Variants in SMAD6 observed in about 807,000 individuals in gnomAD.
SMAD6 encodes MAD homolog 6.
In SMAD6, 103 loss-of-function variants were observed where a neutral mutation model predicts 39.4. The observed-to-expected ratio is 2.62, with a 90% confidence interval of 2.23 to 3.08. SMAD6 has a LOEUF of 3.08. Ranked by LOEUF, SMAD6 falls within the 30% of genes most tolerant of loss-of-function variation. SMAD6 has a pLI of 0.00. For synonymous variants in SMAD6, 445 were observed against 353.3 expected (o/e 1.26, Z -2.91); for missense variants, 1,104 against 742.9 (o/e 1.49, Z -5.65).
chr15:66,743,309 C>T (rs545926697), intron 3 of SMAD6, among the ~76,000 whole-genome samples: 4 of 152,130 alleles, frequency 2.6e-5, no homozygotes, highest in Non-Finnish European at 5.9e-5. Flanking sequence ...AAGGCTGACT[C>T]GGACTGCATT....
intron 3 of SMAD6, among the ~76,000 whole-genome samples, chr15:66,736,378 A>G (rs1358448469): frequency 1.3e-5 from 2 of 152,190 alleles, no homozygotes; most frequent in Admixed American, 1.3e-4. Context: ...GGCGTCCTAT[A>G]TTTTGTCTGA....
chr15:66,745,859 A>T (rs779229636), intron 3 of SMAD6, among the ~76,000 whole-genome samples: 4 of 152,182 alleles, frequency 2.6e-5, no homozygotes, highest in Non-Finnish European at 4.4e-5. Context: ...GATAAGAACC[A>T]CATGGTGTGA....
At chr15:66,731,297 G>A (rs1202287624) in intron 3 of SMAD6, among the ~76,000 whole-genome samples, 3 of 151,700 alleles carry the variant, frequency 2.0e-5, no homozygotes, top group Admixed American at 6.6e-5. Flanking sequence ...AATTAGCCGG[G>A]CGTAGTGGCG....
chr15:66,705,565 A>AT lies in SMAD6; in HGVS notation c.817+1503dup, dbSNP rs773564677. ...ATTTATGGTTGTCTTGTTCCTGGTG[A>AT]TTTTTTTTTTTTTAAAGTAGGTCCC... On this transcript the variant is annotated intron_variant, in intron 1 of 3. Coordinates refer to ENST00000288840, the MANE Select transcript of SMAD6 (RefSeq NM_005585.5). 3.4e-3 allele frequency: 493 copies of AT among 144,620 alleles called. 4 individuals are homozygous for AT. Among genetic ancestry groups the AT allele is most frequent in the Middle Eastern group, 7.1e-3 (2 of 282 alleles). 9.0% of individuals were successfully genotyped at this position (144,620 alleles called of 1,614,324 possible). A position where few individuals can be genotyped will look rare whatever the true frequency, so the allele number is the denominator to read the frequency against.
intron 3 of SMAD6, among the ~76,000 whole-genome samples, chr15:66,748,448 A>G (rs115779831): frequency 1.0e-3 from 158 of 152,312 alleles, no homozygotes; most frequent in African/African-American, 3.4e-3. Context: ...TTGCAAAACA[A>G]GTTTCCTTCA....
chr15:66,773,312 G>T (rs1481371384), intron 3 of SMAD6, among the ~76,000 whole-genome samples: 1 of 152,138 alleles, frequency 6.6e-6, no homozygotes. Context: ...CTAAGCTGTT[G>T]ACCATTAACA....
At chr15:66,758,482 C>T (rs939309635) in intron 3 of SMAD6, among the ~76,000 whole-genome samples, 1 of 152,168 alleles carries the variant, frequency 6.6e-6, no homozygotes, top group African/African-American at 2.4e-5. Flanking sequence ...AATCCCAGCA[C>T]TTTGGGAGGC....
At chr15:66,731,437 C>CA (rs58387784) in intron 3 of SMAD6, among the ~76,000 whole-genome samples, 97,083 of 126,648 alleles carry the variant, frequency 0.77, 36,450 homozygotes, top group East Asian at 0.93. Context: ...GACTCCGTCT[C>CA]AAAAAAAAAA....
intron 1 of SMAD6, 67 bp from the exon 2 acceptor site, chr15:66,711,601 A>G: frequency 8.3e-7 from 1 of 1,209,158 alleles, no homozygotes; most frequent in East Asian, 2.3e-5. Context: ...CAGTAATTAA[A>G]AGCATGTAGA....
intron 3 of SMAD6, among the ~76,000 whole-genome samples, chr15:66,743,648 CAA>C (rs1491587298): frequency 7.8e-4 from 119 of 151,788 alleles, no homozygotes; most frequent in Non-Finnish European, 2.8e-4. Context: ...AAAGGAAAAA[CAA>C]ATTACCCTTA....
In SMAD6 at chr15:66,702,825, A is replaced by G. The variant is rs1220248359; in HGVS notation, c.-434A>G. ...AAGCGCTTTGGTTTAAAAAAAAGGC[A>G]AGGTAAAGGCAGGGCTTTCCAGACA... On this transcript the variant is annotated 5_prime_UTR_variant, in exon 1 of 4. Coordinates refer to ENST00000288840, the MANE Select transcript of SMAD6 (RefSeq NM_005585.5). 1 of 161,842 alleles carries G rather than the reference A, an allele frequency of 6.2e-6. No homozygotes were observed. Among genetic ancestry groups the G allele is most frequent in the East Asian group, 1.7e-4 (1 of 5,728 alleles). 10.0% of individuals were successfully genotyped at this position (161,842 alleles called of 1,614,324 possible). A position where few individuals can be genotyped will look rare whatever the true frequency, so the allele number is the denominator to read the frequency against.
At chr15:66,757,453 G>C (rs543537828) in intron 3 of SMAD6, among the ~76,000 whole-genome samples, 232 of 152,274 alleles carry the variant, frequency 1.5e-3, no homozygotes, top group Non-Finnish European at 2.1e-3. Context: ...TTTAGCCCAG[G>C]GGAGTGAGCA....
rs1191037476 is a variant in SMAD6, at chr15:66,703,257, G to T, written c.-2G>T. 27 of 1,449,816 alleles carry T rather than the reference G, an allele frequency of 1.9e-5. No homozygotes were observed. Among genetic ancestry groups the T allele is most frequent in the Non-Finnish European group, 2.3e-5 (25 of 1,099,194 alleles). The allele number at this position is 1,449,816 out of a possible 1,614,324, so 89.8% of individuals were successfully genotyped here. ...CCCACCCCTGGCGCCAAAGGATATC[G>T]TATGTTCAGGTCCAAACGCTCGGGG... On this transcript the variant is annotated 5_prime_UTR_variant, in exon 1 of 4. Coordinates refer to ENST00000288840, the MANE Select transcript of SMAD6 (RefSeq NM_005585.5).
rs572798014 is a variant in SMAD6, at chr15:66,711,803, C to CAGGGCTGGAGGGCTGGAGGGCTGG, written c.874+84_874+107dup. ...CTTCAGCCCAGTGTCTGTCCAGCCTCAGGGCTGGAGGGCTGGAGGGCTGGA... is the reference window on the plus strand; with the variant it reads ...CTTCAGCCCAGTGTCTGTCCAGCCTCAGGGCTGGAGGGCTGGAGGGCTGGAGGGCTGGAGGGCTGGAGGGCTGGA... On this transcript the variant is annotated intron_variant, in intron 2 of 3. Transcript: ENST00000288840. 6.7e-4 allele frequency: 822 copies of CAGGGCTGGAGGGCTGGAGGGCTGG among 1,224,782 alleles called. 6 individuals carry two copies. The African/African-American group carries it at 0.011, about 17-fold the overall frequency. The allele number at this position is 1,224,782 out of a possible 1,614,324, so 75.9% of individuals were successfully genotyped here. A position where few individuals can be genotyped will look rare whatever the true frequency, so the allele number is the denominator to read the frequency against.
intron 3 of SMAD6, among the ~76,000 whole-genome samples, chr15:66,732,471 C>T (rs995482292): frequency 2.0e-5 from 3 of 152,180 alleles, no homozygotes; most frequent in African/African-American, 7.2e-5. Context: ...ATGTCTCAGC[C>T]TCCCAAGTAG....
intron 3 of SMAD6, among the ~76,000 whole-genome samples, chr15:66,730,743 C>T (rs908412032): frequency 2.0e-5 from 3 of 152,186 alleles, no homozygotes; most frequent in Non-Finnish European, 4.4e-5. Flanking sequence ...TTATTTAGTC[C>T]TACCAACAAG....
intron 3 of SMAD6, among the ~76,000 whole-genome samples, chr15:66,742,221 C>T (rs1417070278): frequency 1.3e-5 from 2 of 152,200 alleles, no homozygotes; most frequent in East Asian, 3.9e-4. Flanking sequence ...AGAAGCCCCT[C>T]TCCCCTTTCT....
intron 3 of SMAD6, among the ~76,000 whole-genome samples, chr15:66,776,087 T>C (rs1430354798): frequency 6.6e-6 from 1 of 152,250 alleles, no homozygotes; most frequent in African/African-American, 2.4e-5. Context: ...ATTCTAGACA[T>C]TCAGACATTT....
intron 3 of SMAD6, among the ~76,000 whole-genome samples, chr15:66,755,236 C>G (rs747165229): frequency 6.6e-6 from 1 of 152,178 alleles, no homozygotes; most frequent in Non-Finnish European, 1.5e-5. Context: ...AGAATCACCA[C>G]CAGTTTGAGG....
Sources: gnomAD v4.1 joint callset for allele counts (sites outside exome capture counted in the v4.1 genomes callset) on GRCh38, gnomAD v4.1.1 for gene constraint, MANE v1.5 for transcripts, NCBI Gene and HGNC (gene_info 2026-07-23, HGNC 2026-07-21) for gene names.